SERAC1: variants seen among roughly 807,000 people sequenced by gnomAD.
The protein encoded by SERAC1 is serine active site containing 1.
Under a neutral mutation model 85.7 loss-of-function variants are expected in SERAC1, and 36 were observed. That is an observed-to-expected ratio of 0.42 (90% CI 0.32 to 0.55). The LOEUF (loss-of-function observed/expected upper bound fraction) is 0.55, where lower values mean the gene tolerates loss of function less well. Ranked by LOEUF, SERAC1 falls within the 20% of genes least tolerant of loss-of-function variation. The pLI is 0.11. For missense variants in SERAC1, 629 were observed against 796.2 expected (o/e 0.79, Z 2.53); for synonymous variants, 242 against 265.3 (o/e 0.91, Z 0.85).
rs1346238204 is a variant in SERAC1 at position 158,120,109 on chromosome 6, T to C, written c.1166+316A>G. 2.0e-5 allele frequency among the ~76,000 whole-genome samples: 3 copies of C among 152,186 alleles called. No homozygotes were observed. Among genetic ancestry groups the C allele is most frequent in the Non-Finnish European group, 4.4e-5 (3 of 68,022 alleles). On this transcript the variant is annotated intron_variant, in intron 11 of 16. Coordinates refer to ENST00000647468, the MANE Select transcript of SERAC1 (RefSeq NM_032861.4). The surrounding 1 kb of genome is among the most constrained non-coding windows in gnomAD (Gnocchi z 4.4). ...AATCCAAATCAGTTATTAACTCAGA[T>C]CTAAGTGAAAATGCCTTGAACCAAA...
chr6:158,124,641 G>A (rs866662), intron 10 of SERAC1, among the ~76,000 whole-genome samples: 132,724 of 151,954 alleles, frequency 0.87, 58,103 homozygotes, highest in East Asian at 1. Context: ...GAAGCCAGAG[G>A]AAAAAAGATA....
chr6:158,133,061 C>T (rs914081997), intron 8 of SERAC1, among the ~76,000 whole-genome samples: 1 of 152,124 alleles, frequency 6.6e-6, no homozygotes, highest in African/African-American at 2.4e-5. Flanking sequence ...AATCCCAACA[C>T]TTTGGGAGGC....
intron 1 of SERAC1, among the ~76,000 whole-genome samples, chr6:158,164,767 C>A (rs561636950): frequency 6.6e-6 from 1 of 152,086 alleles, no homozygotes; most frequent in East Asian, 1.9e-4. Flanking sequence ...GGTACACAGA[C>A]AACAAAAAAG....
chr6:158,130,905 T>C (rs1784656977), intron 8 of SERAC1, among the ~76,000 whole-genome samples: 1 of 152,162 alleles, frequency 6.6e-6, no homozygotes, highest in Non-Finnish European at 1.5e-5. Context: ...ATATAAAGCA[T>C]TATTGGACAA....
In SERAC1 at chr6:158,120,489, G is replaced by T; in HGVS notation, c.1102C>A (p.Arg368=). 6.2e-7 allele frequency: 1 copy of T among 1,613,830 alleles called. No individual in the cohort carries two copies. Among genetic ancestry groups the T allele is most frequent in the Non-Finnish European group, 8.5e-7 (1 of 1,179,910 alleles). ...TGATATTTTTCTTGCACAGTTTCTC[G>T]GTCTAGATTTGCCAGGATTCTGGCA... ...HAARILANLD[R]ETVQEKYQDG... Residue 368 remains arginine, a synonymous_variant, in exon 11 of 17, where the codon CGA becomes AGA. Coordinates refer to ENST00000647468, the MANE Select transcript of SERAC1 (RefSeq NM_032861.4). This position sits in a 1 kb window ranked among gnomAD's most constrained non-coding sequence, Gnocchi z 4.4.
At chr6:158,151,147 G>T (rs2128422576) in intron 3 of SERAC1, 1 of 152,738 alleles carries the variant, frequency 6.5e-6, no homozygotes, top group South Asian at 2.1e-4. Flanking sequence ...CCTCACAGTG[G>T]GACAAGATGC....
At position 158,117,848 on chromosome 6, in the gene SERAC1, A is replaced by AGTT. The variant is rs768986547; in HGVS notation, c.1309-28_1309-27insAAC. On this transcript the variant is annotated intron_variant, in intron 12 of 16. Transcript: ENST00000647468. This position sits in a 1 kb window ranked among gnomAD's most constrained non-coding sequence, Gnocchi z 4.3. Reference sequence around the variant, plus strand: ...TAAGTAAAATAAAACATATGTGAGAACAAGTATGAATCTTCACCACTGCAA... The same window carrying AGTT: ...TAAGTAAAATAAAACATATGTGAGAAGTTCAAGTATGAATCTTCACCACTGCAA... The AGTT allele has an allele frequency of 5.5e-5, 87 of 1,572,858 alleles. No individual in the cohort carries two copies. The highest frequency in any genetic ancestry group is 7.4e-5 in the Non-Finnish European group (85 of 1,144,114).
At chr6:158,116,519 T>C in intron 13 of SERAC1, 2 of 459,116 alleles carry the variant, frequency 4.4e-6, no homozygotes, top group Non-Finnish European at 7.9e-6. Flanking sequence ...ATTATAGGCA[T>C]GAGCCACCAC....
At chr6:158,154,159 C>CAAAAAAAAAA (rs3041474) in intron 3 of SERAC1, among the ~76,000 whole-genome samples, 1 of 66,056 alleles carries the variant, frequency 1.5e-5, no homozygotes, top group Non-Finnish European at 2.9e-5. Context: ...AACTCTGTCT[C>CAAAAAAAAAA]AAAAAAAAAA....
chr6:158,165,954 G>T lies in SERAC1; in HGVS notation c.-2+2186C>A, dbSNP rs1485072197. Among the ~76,000 whole-genome samples, 7 of 152,140 alleles carry T rather than the reference G, an allele frequency of 4.6e-5. No homozygotes were observed. In the East Asian group the frequency reaches 1.2e-3, roughly 25 times the overall value. On this transcript the variant is annotated intron_variant, in intron 1 of 16. Coordinates refer to ENST00000647468, the MANE Select transcript of SERAC1 (RefSeq NM_032861.4). ...AGAGACATTTAAAAAAAAAGTTCTG[G>T]AGATAGATAGTAGTGCTGGTTGCAC...
chr6:158,117,819 T>C lies in SERAC1; in HGVS notation c.1311A>G (p.Thr437=). 2 of 1,611,600 alleles carry C rather than the reference T, an allele frequency of 1.2e-6. No individual in the cohort carries two copies. Among genetic ancestry groups the C allele is most frequent in the Non-Finnish European group, 1.7e-6 (2 of 1,177,914 alleles). ...GAGCAGGACAGTCTTTTGCTAACCA[T>C]GTCTAAGTAAAATAAAACATATGTG... ...EDRYTTCWPK[T]WLAKDCPALR... Residue 437 remains threonine (T), a splice_region_variant and synonymous_variant, in exon 13 of 17, where the codon ACA becomes ACG. Coordinates refer to ENST00000647468, the MANE Select transcript of SERAC1 (RefSeq NM_032861.4). The surrounding 1 kb of genome is among the most constrained non-coding windows in gnomAD (Gnocchi z 4.3).
At chr6:158,139,350 T>C (rs1198879429) in intron 8 of SERAC1, among the ~76,000 whole-genome samples, 1 of 152,154 alleles carries the variant, frequency 6.6e-6, no homozygotes, top group Non-Finnish European at 1.5e-5. Flanking sequence ...TTACAATTCA[T>C]CAATATAAAG....
At chr6:158,116,585 T>C (rs1319355113) in intron 13 of SERAC1, 1 of 287,790 alleles carries the variant, frequency 3.5e-6, no homozygotes. Context: ...TTGTAACTTA[T>C]TAACATTGGC....
intron 3 of SERAC1, among the ~76,000 whole-genome samples, chr6:158,153,678 T>C (rs969916195): frequency 1.4e-4 from 21 of 152,208 alleles, no homozygotes; most frequent in South Asian, 2.1e-4. Context: ...CCTAATCAGA[T>C]TGACTTACAC....
At chr6:158,136,935 G>A (rs1000805823) in intron 8 of SERAC1, among the ~76,000 whole-genome samples, 4 of 152,146 alleles carry the variant, frequency 2.6e-5, no homozygotes, top group African/African-American at 4.8e-5. Flanking sequence ...CAAGGCAGGC[G>A]GATCACGAGG....
chr6:158,126,844 A>G (rs1160246223), intron 10 of SERAC1, among the ~76,000 whole-genome samples: 1 of 152,164 alleles, frequency 6.6e-6, no homozygotes, highest in Non-Finnish European at 1.5e-5. Flanking sequence ...TGAGTCCAGG[A>G]GTTCGAGACC....
Position 158,114,927 on chromosome 6 carries a change from C to G in SERAC1, c.1546G>C (p.Glu516Gln). The G allele has an allele frequency of 1.9e-6, 3 of 1,613,820 alleles. No individual in the cohort carries two copies. The highest frequency in any genetic ancestry group is 2.5e-6 in the Non-Finnish European group (3 of 1,179,898). ...GTATTGTTGATAACAGTACTCATTT[C>G]TGGCTTCGTAGAGGCTTCCAACAGC... ...KMLLEASTKP[E>Q]MSTVINNTRG... The change falls in exon 15 of 17, where the codon GAA (glutamate) becomes CAA (glutamine). Residue 516 changes from glutamate to glutamine, a missense_variant. Transcript: ENST00000647468.
chr6:158,155,467 T>C (rs1302702031), intron 2 of SERAC1, 116 bp from the exon 3 acceptor site: 5 of 608,900 alleles, frequency 8.2e-6, no homozygotes, highest in Non-Finnish European at 1.4e-5. Flanking sequence ...AGTTATTATT[T>C]TTCTATTAAT....
At chr6:158,138,751 T>A (rs1036638288) in intron 8 of SERAC1, among the ~76,000 whole-genome samples, 2 of 152,038 alleles carry the variant, frequency 1.3e-5, no homozygotes, top group African/African-American at 4.8e-5. Flanking sequence ...GGCTTCCAGA[T>A]GAAAAGCAGG....
Sources: allele counts gnomAD v4.1 joint callset (sites outside exome capture counted in the v4.1 genomes callset), GRCh38; gene constraint gnomAD v4.1.1; non-coding constraint Gnocchi (gnomAD v3.1); transcripts MANE v1.5; gene names NCBI Gene and HGNC (gene_info 2026-07-23, HGNC 2026-07-21).